The following COPS7B variants were observed in gnomAD, a reference collection of about 807,000 sequenced individuals.
COPS7B encodes COP9 signalosome complex subunit 7b.
COPS7B carries 9 observed loss-of-function variants against 33.4 expected under a neutral mutation model. The observed-to-expected ratio is 0.27, with a 90% CI of 0.16 to 0.47. COPS7B has a LOEUF of 0.47. Among genes scored for constraint, COPS7B ranks in the 20% least tolerant of loss-of-function variants. COPS7B has a pLI of 0.99. For synonymous variants in COPS7B, 119 were observed against 126.3 expected, an observed-to-expected ratio of 0.94 and a Z score of 0.39; for missense variants, 242 against 318.2, an observed-to-expected ratio of 0.76 and a Z score of 1.82.
At chr2:231,806,687 T>C (rs1452846543) in intron 6 of COPS7B, among the ~76,000 whole-genome samples, 2 of 152,250 alleles carry the variant, frequency 1.3e-5, no homozygotes, top group Admixed American at 1.3e-4. Context: ...ATAGTCACTT[T>C]TCAGCAGGCA....
intron 3 of COPS7B, among the ~76,000 whole-genome samples, chr2:231,792,959 T>G (rs2049461575): frequency 6.6e-6 from 1 of 152,166 alleles, no homozygotes; most frequent in South Asian, 2.1e-4. Context: ...GTACACCACA[T>G]TTTTTTCTGA....
At chr2:231,794,876 C>G (rs1371604917) in intron 4 of COPS7B, among the ~76,000 whole-genome samples, 1 of 151,952 alleles carries the variant, frequency 6.6e-6, no homozygotes. Flanking sequence ...CTACTCAGCC[C>G]CAAGTAGCTG....
At chr2:231,783,640 G>C (rs1466025019), upstream of COPS7B, among the ~76,000 whole-genome samples, 1 of 152,146 alleles carries the variant, frequency 6.6e-6, no homozygotes, top group African/African-American at 2.4e-5. Flanking sequence ...TTACAGTCTG[G>C]ATATGGAGTT....
upstream of COPS7B, among the ~76,000 whole-genome samples, chr2:231,785,525 T>A (rs1001145647): frequency 6.6e-6 from 1 of 152,182 alleles, no homozygotes; most frequent in Non-Finnish European, 1.5e-5. Context: ...ATTTAACACA[T>A]TGGAGCTTTT....
At position 231,788,670 on chromosome 2, in the gene COPS7B, G is replaced by A. The variant is rs779099755; in HGVS notation, c.100G>A (p.Val34Ile). The change falls in exon 2 of 7, where the codon GTC becomes ATC. Residue 34 changes from valine (V) to isoleucine (I), a missense_variant. Val to Ile is a conservative substitution (Grantham distance 29). Coordinates refer to ENST00000350033, the MANE Select transcript of COPS7B (RefSeq NM_022730.4). The stretch of plus-strand genomic sequence containing the variant: ...AGCCCTCACTGCTCTCATAAGCCAG[G>A]TCTTAGAGGCTCCCGGAGTGTATGT... The part of the protein sequence containing the change: ...GSALTALISQ[V>I]LEAPGVYVFG... 1.9e-6 allele frequency: 3 copies of A among 1,614,232 alleles called. No individual in the cohort carries two copies. Among genetic ancestry groups the A allele is most frequent in the South Asian group, 2.2e-5 (2 of 91,088 alleles).
chr2:231,781,721 C>T, upstream of COPS7B: 2 of 916,064 alleles, frequency 2.2e-6, no homozygotes, highest in Non-Finnish European at 3.5e-6. Flanking sequence ...TCCAGTGTGC[C>T]GCGCAGTGTG....
At chr2:231,801,500 G>A (rs2049743020) in intron 6 of COPS7B, among the ~76,000 whole-genome samples, 1 of 152,048 alleles carries the variant, frequency 6.6e-6, no homozygotes, top group Admixed American at 6.6e-5. Flanking sequence ...GGAGTGCAGT[G>A]GTGCAAACAC....
intron 5 of COPS7B, among the ~76,000 whole-genome samples, chr2:231,798,299 C>G (rs1049801217): frequency 6.8e-6 from 1 of 146,552 alleles, no homozygotes; most frequent in African/African-American, 2.6e-5. Context: ...CTCTGTCACC[C>G]AGGCTGGAGT....
intron 4 of COPS7B, among the ~76,000 whole-genome samples, chr2:231,794,756 T>TTTGTTG (rs201635975): frequency 6.6e-6 from 1 of 152,058 alleles, no homozygotes; most frequent in Non-Finnish European, 1.5e-5. Context: ...TGCTAGATTT[T>TTTGTTG]TTGTTGTTGT....
upstream of COPS7B, among the ~76,000 whole-genome samples, chr2:231,785,573 C>T (rs2049220757): frequency 6.6e-6 from 1 of 152,132 alleles, no homozygotes; most frequent in South Asian, 2.1e-4. Flanking sequence ...TATAACTTTT[C>T]AGGACATAAT....
At chr2:231,782,456 A>G (rs1271335226), upstream of COPS7B, among the ~76,000 whole-genome samples, 5 of 152,224 alleles carry the variant, frequency 3.3e-5, no homozygotes, top group Admixed American at 6.5e-5. Context: ...AGTGTGAGCC[A>G]CGGTTTCCTT....
chr2:231,799,006 C>A lies in COPS7B; in HGVS notation c.636+42C>A. On this transcript the variant is annotated intron_variant, in intron 6 of 6. Coordinates refer to ENST00000350033, the MANE Select transcript of COPS7B (RefSeq NM_022730.4). ...ACATTTGTTTCTCTCTCCAGGCATA[C>A]CTGTTTATTCGTTTGCAGTGTTTAT... 4 of 1,530,822 alleles carry A rather than the reference C, an allele frequency of 2.6e-6. No homozygotes were observed. In the South Asian group the frequency reaches 3.4e-5, roughly 13 times the overall value. The allele number at this position is 1,530,822 out of a possible 1,614,324, so 94.8% of individuals were successfully genotyped here. A position where few individuals can be genotyped will look rare whatever the true frequency, so the allele number is the denominator to read the frequency against.
In COPS7B at chr2:231,796,123, G is replaced by A. The variant is rs1458270177; in HGVS notation, c.345G>A (p.Val115=). ...ASRMKCIPYS[V]LLKDLEMRNL... is the part of the protein sequence containing the mutation. ...ATCTACAGTGTATCCCCTACTCCGT[G>A]TTGCTGAAAGACCTGGAGATGCGGA... The change falls in exon 5 of 7, where the codon GTG becomes GTA. Residue 115 remains valine (V), a synonymous_variant. Transcript: ENST00000350033. The A allele has an allele frequency of 5.0e-6, 8 of 1,613,978 alleles. No homozygotes were observed. The highest frequency in any genetic ancestry group is 2.2e-5 in the East Asian group (1 of 44,876).
intron 5 of COPS7B, among the ~76,000 whole-genome samples, chr2:231,797,498 A>G (rs997339635): frequency 2.6e-5 from 4 of 152,206 alleles, no homozygotes; most frequent in African/African-American, 4.8e-5. Flanking sequence ...TGGCTGTCCT[A>G]TTCTGTTTTT....
intron 6 of COPS7B, among the ~76,000 whole-genome samples, chr2:231,800,229 A>C (rs2049704961): frequency 6.6e-6 from 1 of 152,226 alleles, no homozygotes; most frequent in South Asian, 2.1e-4. Context: ...CAGGAGTTCG[A>C]GACCAGCCTG....
At chr2:231,792,161 A>C (rs183346270) in intron 3 of COPS7B, 51 of 467,160 alleles carry the variant, frequency 1.1e-4, no homozygotes, top group Non-Finnish European at 1.7e-4. Flanking sequence ...AAATAATACC[A>C]GCATATTGAA....
chr2:231,798,760 G>A (rs2049654190), intron 5 of COPS7B, 99 bp from the exon 6 acceptor site: 7 of 927,030 alleles, frequency 7.6e-6, no homozygotes, highest in Middle Eastern at 2.6e-4. Flanking sequence ...GGAGGTCCCT[G>A]TAAGATACTG....
chr2:231,796,287 T>C lies in COPS7B; in HGVS notation c.509T>C (p.Ile170Thr), dbSNP rs2049568297. The part of the protein sequence containing the change: ...RDIRKKDINN[I>T]VKTLHEWCDG... ...ATCCGAAAGAAGGATATCAATAATA[T>C]TGTCAAGACCCTGCATGAATGGTGA... Residue 170 changes from isoleucine to threonine, a missense_variant, in exon 5 of 7, where the codon ATT becomes ACT. Ile to Thr is a moderately conservative substitution (Grantham distance 89). Transcript: ENST00000350033. 3 of 1,613,908 alleles carry C rather than the reference T, an allele frequency of 1.9e-6. No individual in the cohort carries two copies. The highest frequency in any genetic ancestry group is 1.3e-5 in the African/African-American group (1 of 74,868).
intron 1 of COPS7B, 53 bp downstream of exon 1, chr2:231,786,591 C>T (rs972146945): frequency 1.1e-6 from 1 of 888,904 alleles, no homozygotes; most frequent in Non-Finnish European, 1.3e-6. Context: ...CAGGCTCGGC[C>T]AGACGATCCG....
Sources: gnomAD v4.1 joint callset for allele counts (sites outside exome capture counted in the v4.1 genomes callset) on GRCh38, gnomAD v4.1.1 for gene constraint, MANE v1.5 for transcripts, NCBI Gene and HGNC (gene_info 2026-07-23, HGNC 2026-07-21) for gene names.